The following COLEC10 variants were observed in gnomAD, a reference collection of about 807,000 sequenced individuals.
COLEC10 encodes the protein collectin subfamily member 10.
Under a neutral mutation model 28.4 loss-of-function variants are expected in COLEC10, and 22 were observed. The ratio of observed to expected loss-of-function variants is 0.78; its 90% CI spans 0.55 to 1.11. COLEC10 has a LOEUF of 1.11. Among genes scored for constraint, COLEC10 ranks in the 50% least tolerant of loss-of-function variants. COLEC10 has a pLI of 0.00. For synonymous variants in COLEC10, 125 were observed against 116.1 expected (o/e 1.08, Z -0.49); for missense variants, 361 against 344.1 (o/e 1.05, Z -0.39).
intron 1 of COLEC10, among the ~76,000 whole-genome samples, chr8:119,075,954 G>A (rs1368360108): frequency 1.5e-5 from 2 of 136,576 alleles, no homozygotes; most frequent in African/African-American, 5.5e-5. Flanking sequence ...AGGCTGGAGT[G>A]CAGTGGTGCG....
chr8:118,968,876 G>A, the COLEC10 span, among the ~76,000 whole-genome samples: 3 of 151,864 alleles, frequency 2.0e-5, no homozygotes, highest in African/African-American at 7.3e-5. Context: ...GTGGTGTTTG[G>A]TTTTCTGCTC....
the COLEC10 span, among the ~76,000 whole-genome samples, chr8:118,988,501 A>G: frequency 2.8e-4 from 43 of 152,252 alleles, 2 homozygotes; most frequent in South Asian, 8.5e-3. Context: ...TAAGGCTTCA[A>G]GGAAATAGAC....
the COLEC10 span, among the ~76,000 whole-genome samples, chr8:118,957,391 T>A: frequency 6.6e-6 from 1 of 152,190 alleles, no homozygotes; most frequent in African/African-American, 2.4e-5. Flanking sequence ...CTGAGCTGTT[T>A]AGGGAAGGGC....
intron 2 of COLEC10, among the ~76,000 whole-genome samples, chr8:119,017,354 C>A (rs967455916): frequency 2.6e-5 from 4 of 152,144 alleles, no homozygotes; most frequent in African/African-American, 9.7e-5. Flanking sequence ...TGGTGATCAG[C>A]AATTTAAGCA....
At chr8:118,988,364 G>A in the COLEC10 span, among the ~76,000 whole-genome samples, 13 of 152,148 alleles carry the variant, frequency 8.5e-5, no homozygotes, top group Non-Finnish European at 1.5e-4. Flanking sequence ...TAGTCTCCAT[G>A]TGAAAGTCTT....
intron 2 of COLEC10, among the ~76,000 whole-genome samples, chr8:119,029,211 GA>G (rs747008236): frequency 1.2e-4 from 18 of 152,154 alleles, no homozygotes; most frequent in African/African-American, 4.3e-4. Context: ...GTTGAAGCAG[GA>G]GGAACTTAAT....
chr8:119,102,436 C>A (rs1815855648), intron 4 of COLEC10, 35 bp downstream of exon 4: 1 of 1,540,034 alleles, frequency 6.5e-7, no homozygotes, highest in Non-Finnish European at 8.9e-7. Context: ...TGATTTCTAG[C>A]ATGATTCCAA....
chr8:118,955,681 G>A, the COLEC10 span, among the ~76,000 whole-genome samples: 2 of 152,260 alleles, frequency 1.3e-5, no homozygotes, highest in Non-Finnish European at 2.9e-5. Context: ...AACACATGGT[G>A]AAGAGGTGGG....
chr8:119,016,778 A>C (rs1813998953), intron 2 of COLEC10, among the ~76,000 whole-genome samples: 1 of 152,054 alleles, frequency 6.6e-6, no homozygotes, highest in African/African-American at 2.4e-5. Flanking sequence ...GTGCAGTGGC[A>C]CAATCTCAGC....
chr8:118,965,568 G>A, the COLEC10 span, among the ~76,000 whole-genome samples: 5 of 151,904 alleles, frequency 3.3e-5, no homozygotes, highest in Non-Finnish European at 5.9e-5. Context: ...TGCAAAGGAG[G>A]TTGGGAAAGT....
At chr8:119,018,734 G>A (rs941506771) in intron 2 of COLEC10, among the ~76,000 whole-genome samples, 9 of 152,166 alleles carry the variant, frequency 5.9e-5, no homozygotes, top group African/African-American at 2.2e-4. Context: ...TCCAAATCAT[G>A]TAGAAACATT....
the COLEC10 span, among the ~76,000 whole-genome samples, chr8:118,975,279 T>C: frequency 6.6e-6 from 1 of 152,046 alleles, no homozygotes; most frequent in Non-Finnish European, 1.5e-5. Context: ...TAACTTTTTG[T>C]TGTTTGTTTT....
chr8:119,041,847 T>C (rs1814499974), intron 2 of COLEC10, among the ~76,000 whole-genome samples: 1 of 152,134 alleles, frequency 6.6e-6, no homozygotes. Context: ...AACAGGCATG[T>C]CAATCTAGAG....
At chr8:118,993,017 C>T (rs578017200), upstream of COLEC10, among the ~76,000 whole-genome samples, 3 of 152,148 alleles carry the variant, frequency 2.0e-5, no homozygotes, top group East Asian at 1.9e-4. Context: ...AATGGAATTT[C>T]GTGAGTTCCC....
At chr8:118,962,834 TA>T in the COLEC10 span, among the ~76,000 whole-genome samples, 7 of 152,344 alleles carry the variant, frequency 4.6e-5, no homozygotes, top group African/African-American at 1.7e-4. Flanking sequence ...TTGACTATTA[TA>T]GATATCTCAT....
chr8:118,977,619 A>G, the COLEC10 span, among the ~76,000 whole-genome samples: 17 of 105,182 alleles, frequency 1.6e-4, no homozygotes, highest in African/African-American at 6.5e-4. Context: ...GGGAGGGGGG[A>G]GGGATAGCAT....
At chr8:118,992,588 A>G (rs1813520592), upstream of COLEC10, among the ~76,000 whole-genome samples, 1 of 152,196 alleles carries the variant, frequency 6.6e-6, no homozygotes, top group Non-Finnish European at 1.5e-5. Context: ...AGCCAAATCT[A>G]TTAAGATTTT....
chr8:119,043,733 C>G (rs1365239237), intron 2 of COLEC10, among the ~76,000 whole-genome samples: 1 of 152,136 alleles, frequency 6.6e-6, no homozygotes, highest in East Asian at 1.9e-4. Context: ...CATATGAATA[C>G]ATGCAGATTC....
At chr8:118,986,338 A>G in the COLEC10 span, among the ~76,000 whole-genome samples, 4 of 152,178 alleles carry the variant, frequency 2.6e-5, no homozygotes, top group Non-Finnish European at 4.4e-5. Context: ...AATAAACATA[A>G]AAGTTCATTC....
Sources: gnomAD v4.1 joint callset for allele counts (sites outside exome capture counted in the v4.1 genomes callset) on GRCh38, gnomAD v4.1.1 for gene constraint, MANE v1.5 for transcripts, NCBI Gene and HGNC (gene_info 2026-07-23, HGNC 2026-07-21) for gene names.